Variants in C12orf54 observed in about 807,000 individuals in gnomAD.
C12orf54 encodes the protein uncharacterized protein C12orf54.
Under a neutral mutation model 26.4 loss-of-function variants are expected in C12orf54, and 24 were observed. That is an observed-to-expected ratio of 0.91 (90% CI 0.66 to 1.28). C12orf54 has a LOEUF of 1.28. Ranked by LOEUF, C12orf54 falls within the 50% of genes most tolerant of loss-of-function variation. C12orf54 has a pLI of 0.00. For synonymous variants in C12orf54, 54 were observed against 47.0 expected, an observed-to-expected ratio of 1.15 and a Z score of -0.61; for missense variants, 154 against 150.9, an observed-to-expected ratio of 1.02 and a Z score of -0.11.
the C12orf54 span, among the ~76,000 whole-genome samples, chr12:48,438,808 G>T: frequency 2.0e-5 from 3 of 152,122 alleles, no homozygotes; most frequent in Admixed American, 6.6e-5. Flanking sequence ...AACCCTAGAA[G>T]AAAACCTAGA....
the C12orf54 span, among the ~76,000 whole-genome samples, chr12:48,425,541 T>C: frequency 6.6e-6 from 1 of 152,122 alleles, no homozygotes; most frequent in South Asian, 2.1e-4. Context: ...TGAACATATG[T>C]GTGCATGTGT....
chr12:48,431,256 G>C, the C12orf54 span, among the ~76,000 whole-genome samples: 1 of 152,106 alleles, frequency 6.6e-6, no homozygotes, highest in Admixed American at 6.5e-5. Flanking sequence ...ACTTACTCAT[G>C]TAACCAAACA....
the C12orf54 span, among the ~76,000 whole-genome samples, chr12:48,444,252 A>C: frequency 2.6e-5 from 4 of 152,206 alleles, no homozygotes; most frequent in African/African-American, 9.7e-5. Flanking sequence ...GTGTAGCTCT[A>C]GCTAGAGCAA....
At chr12:48,457,216 G>T in the C12orf54 span, among the ~76,000 whole-genome samples, 1 of 151,622 alleles carries the variant, frequency 6.6e-6, no homozygotes, top group Non-Finnish European at 1.5e-5. Flanking sequence ...CCCCAGGCCC[G>T]AACTCAGAAG....
At chr12:48,448,433 T>C in the C12orf54 span, among the ~76,000 whole-genome samples, 1 of 152,206 alleles carries the variant, frequency 6.6e-6, no homozygotes, top group African/African-American at 2.4e-5. Context: ...CAGGTTGATA[T>C]ATGTAAAAAT....
the C12orf54 span, among the ~76,000 whole-genome samples, chr12:48,433,550 C>A: frequency 6.6e-6 from 1 of 152,066 alleles, no homozygotes; most frequent in Non-Finnish European, 1.5e-5. Context: ...CAGGTTCACA[C>A]CATTCTCCTG....
At chr12:48,418,805 T>C in the C12orf54 span, among the ~76,000 whole-genome samples, 6 of 152,160 alleles carry the variant, frequency 3.9e-5, no homozygotes, top group East Asian at 1.2e-3. Context: ...AGCCACATGA[T>C]GTTAAAAAAA....
the C12orf54 span, among the ~76,000 whole-genome samples, chr12:48,457,706 GC>G: frequency 3.4e-4 from 52 of 152,202 alleles, no homozygotes; most frequent in African/African-American, 1.2e-3. Context: ...CGGCTTCGGT[GC>G]CCAGAAGCTG....
At chr12:48,492,825 G>T in intron 6 of C12orf54, 122 bp from the exon 7 acceptor site, 1 of 801,828 alleles carries the variant, frequency 1.2e-6, no homozygotes, top group Non-Finnish European at 2.1e-6. Context: ...GGTGGTCAGT[G>T]TCCCTTCAAG....
chr12:48,494,772 C>G, intron 7 of C12orf54, 26 bp from the exon 8 acceptor site: 1 of 1,609,996 alleles, frequency 6.2e-7, no homozygotes, highest in Non-Finnish European at 8.5e-7. Flanking sequence ...TCCCTCATGT[C>G]TACAACTTTC....
At chr12:48,425,550 G>A in the C12orf54 span, among the ~76,000 whole-genome samples, 1 of 151,984 alleles carries the variant, frequency 6.6e-6, no homozygotes, top group African/African-American at 2.4e-5. Flanking sequence ...GTGTGCATGT[G>A]TCTTTATGGT....
the C12orf54 span, among the ~76,000 whole-genome samples, chr12:48,451,873 T>C: frequency 6.6e-6 from 1 of 152,180 alleles, no homozygotes; most frequent in East Asian, 1.9e-4. Flanking sequence ...TGTTTATGAA[T>C]AGGAAGAATC....
chr12:48,446,057 A>T, the C12orf54 span, among the ~76,000 whole-genome samples: 1 of 152,200 alleles, frequency 6.6e-6, no homozygotes, highest in Non-Finnish European at 1.5e-5. Flanking sequence ...AAATCCTGAA[A>T]GGACAGACGG....
chr12:48,486,351 G>C (rs927803810), intron 3 of C12orf54, 143 bp downstream of exon 3: 1 of 798,246 alleles, frequency 1.3e-6, no homozygotes, highest in East Asian at 2.6e-5. Flanking sequence ...TGGTGGAGTG[G>C]GTCATTGTCT....
the C12orf54 span, among the ~76,000 whole-genome samples, chr12:48,451,238 A>T: frequency 6.6e-6 from 1 of 152,080 alleles, no homozygotes; most frequent in South Asian, 2.1e-4. Context: ...AAACCACATG[A>T]TTATCTCAAT....
upstream of C12orf54, among the ~76,000 whole-genome samples, chr12:48,479,937 T>C (rs1417093397): frequency 6.6e-6 from 1 of 152,148 alleles, no homozygotes; most frequent in Admixed American, 6.5e-5. Flanking sequence ...CAAGATGGAT[T>C]CCAGATGAAC....
chr12:48,464,857 G>A, the C12orf54 span, among the ~76,000 whole-genome samples: 3 of 152,116 alleles, frequency 2.0e-5, no homozygotes, highest in Non-Finnish European at 2.9e-5. Context: ...GGGACAACTG[G>A]CTAGTCATAT....
the C12orf54 span, among the ~76,000 whole-genome samples, chr12:48,418,086 G>A: frequency 6.6e-6 from 1 of 152,234 alleles, no homozygotes; most frequent in African/African-American, 2.4e-5. Flanking sequence ...TGCTAATGCA[G>A]CAGCAGAGGG....
chr12:48,440,202 G>C, the C12orf54 span, among the ~76,000 whole-genome samples: 3 of 151,828 alleles, frequency 2.0e-5, no homozygotes, highest in South Asian at 6.2e-4. Flanking sequence ...TCCAGCCTGG[G>C]TGACAGAGTG....
Sources: allele counts gnomAD v4.1 joint callset (sites outside exome capture counted in the v4.1 genomes callset), GRCh38; gene constraint gnomAD v4.1.1; transcripts MANE v1.5; gene names NCBI Gene and HGNC (gene_info 2026-07-23, HGNC 2026-07-21).